The following HIPK3 variants were observed in gnomAD, a reference collection of about 807,000 sequenced individuals.
The protein encoded by HIPK3 is homeodomain-interacting protein kinase 3.
HIPK3 carries 47 observed loss-of-function variants against 124.2 expected under a neutral mutation model. The observed-to-expected ratio is 0.38, with a 90% CI of 0.30 to 0.48. HIPK3 has a LOEUF of 0.48. Ranked by LOEUF, HIPK3 falls within the 20% of genes least tolerant of loss-of-function variation. HIPK3 has a pLI of 0.98. For missense variants in HIPK3, 1,286 were observed against 1,454.3 expected (o/e 0.88, Z 1.88); for synonymous variants, 482 against 515.2 (o/e 0.94, Z 0.87).
intron 1 of HIPK3, among the ~76,000 whole-genome samples, chr11:33,275,132 C>T (rs1301515874): frequency 4.6e-5 from 7 of 151,968 alleles, no homozygotes; most frequent in African/African-American, 1.7e-4. Context: ...CTCCGCCTCT[C>T]GAGCTCAAGT....
chr11:33,334,250 T>C (rs1487000111), intron 3 of HIPK3, among the ~76,000 whole-genome samples: 1 of 152,032 alleles, frequency 6.6e-6, no homozygotes, highest in African/African-American at 2.4e-5. Context: ...TAGCACAGAG[T>C]AGAGTAATTA....
At chr11:33,272,454 G>A (rs1851152720) in intron 1 of HIPK3, among the ~76,000 whole-genome samples, 1 of 151,822 alleles carries the variant, frequency 6.6e-6, no homozygotes, top group African/African-American at 2.4e-5. Context: ...ACTGTCTTGA[G>A]AAGCTGCTTG....
Position 33,352,181 on chromosome 11 carries a change from A to G in HIPK3, c.3087A>G (p.Gly1029=). The change falls in exon 16 of 17, where the codon GGA becomes GGG. Residue 1029 remains glycine, a synonymous_variant. Transcript: ENST00000303296. ...TAATAAAAGGACGATCTGCCCCTGG[A>G]AGATTAAACCAGCCTTCTGCAGTGG... ...QPLIKGRSAP[G]RLNQPSAVGT... 1 of 1,613,700 alleles carries G rather than the reference A, an allele frequency of 6.2e-7. No homozygotes were observed. Among genetic ancestry groups the G allele is most frequent in the Non-Finnish European group, 8.5e-7 (1 of 1,179,558 alleles).
At chr11:33,292,622 G>A (rs539813090) in intron 2 of HIPK3, among the ~76,000 whole-genome samples, 4 of 152,282 alleles carry the variant, frequency 2.6e-5, no homozygotes, top group East Asian at 1.9e-4. Context: ...GGATGAAATT[G>A]CTGGTGATTT....
chr11:33,341,279 C>T (rs1418179164), intron 7 of HIPK3, 152 bp downstream of exon 7: 23 of 595,334 alleles, frequency 3.9e-5, no homozygotes, highest in Non-Finnish European at 5.8e-5. Flanking sequence ...CTTAAAATTC[C>T]AAGGTAATAA....
At chr11:33,271,798 TA>T (rs1178180816) in intron 1 of HIPK3, among the ~76,000 whole-genome samples, 2 of 152,204 alleles carry the variant, frequency 1.3e-5, no homozygotes, top group East Asian at 1.9e-4. Context: ...ATGGTGTATT[TA>T]AAAAAATCTC....
rs1009342386 is a variant in HIPK3 at position 33,347,746 on chromosome 11, G to A, written c.2137G>A (p.Asp713Asn). The change falls in exon 10 of 17, where the codon GAC becomes AAC. Residue 713 changes from aspartate (D) to asparagine (N), a missense_variant. By Grantham distance (23) the Asp-to-Asn change is conservative (BLOSUM62 1). Around this residue, in one of 3 missense-constraint regions of HIPK3, gnomAD observed 810 missense variants for 864.9 expected, o/e 0.94. Transcript: ENST00000303296. ...TGTGGCTGGTTCACACAGGCTTGGA[G>A]ACTGGGGGTAAGCTGAAAACAAAAG... is the stretch of plus-strand genomic sequence containing the variant. ...ESVAGSHRLG[D>N]WGKMISCSNH... 4 of 1,613,760 alleles carry A rather than the reference G, an allele frequency of 2.5e-6. No homozygotes were observed. Among genetic ancestry groups the A allele is most frequent in the Non-Finnish European group, 3.4e-6 (4 of 1,179,692 alleles).
chr11:33,267,499 A>ATTG (rs981509501), intron 1 of HIPK3, among the ~76,000 whole-genome samples: 10 of 138,950 alleles, frequency 7.2e-5, no homozygotes, highest in African/African-American at 2.7e-4. Flanking sequence ...TATTATTATT[A>ATTG]TTATTTTTTT....
At chr11:33,289,884 A>G (rs1851654243) in intron 2 of HIPK3, among the ~76,000 whole-genome samples, 1 of 152,136 alleles carries the variant, frequency 6.6e-6, no homozygotes, top group Non-Finnish European at 1.5e-5. Flanking sequence ...TTTAATTTTT[A>G]GCTCCCACAT....
rs1465168448 is a variant in HIPK3 at position 33,286,648 on chromosome 11, G to A, written c.234G>A (p.Leu78=). 13 of 1,613,990 alleles carry A rather than the reference G, an allele frequency of 8.1e-6. No individual in the cohort carries two copies. Among genetic ancestry groups the A allele is most frequent in the Admixed American group, 1.7e-5 (1 of 59,998 alleles). ...GACCTCGAGGACACAACTTTTCATT[G>A]CAGACAAGTGCTGTTGTTTTGAAAA... ...FNRPRGHNFS[L]QTSAVVLKNT... is the part of the protein sequence containing the mutation. Residue 78 remains leucine (L), a synonymous_variant, in exon 2 of 17, where the codon TTG becomes TTA. Coordinates refer to ENST00000303296, the MANE Select transcript of HIPK3 (RefSeq NM_005734.5).
At chr11:33,266,683 G>T (rs2133868219) in intron 1 of HIPK3, among the ~76,000 whole-genome samples, 1 of 152,268 alleles carries the variant, frequency 6.6e-6, no homozygotes, top group Non-Finnish European at 1.5e-5. Flanking sequence ...CTGCACTGTA[G>T]CCTTGGAGAC....
chr11:33,331,828 A>G (rs1852995347), intron 3 of HIPK3, among the ~76,000 whole-genome samples: 1 of 152,222 alleles, frequency 6.6e-6, no homozygotes, highest in African/African-American at 2.4e-5. Context: ...GCTCGTAACA[A>G]CCCTATGAAG....
At chr11:33,257,201 A>C, upstream of HIPK3, 4 of 980,060 alleles carry the variant, frequency 4.1e-6, no homozygotes, top group Non-Finnish European at 4.8e-6. Flanking sequence ...TCCGGGCAAC[A>C]AGGGCGCGGC....
In HIPK3 at chr11:33,353,256, C is replaced by T. The variant is rs756504188; in HGVS notation, c.3336C>T (p.Leu1112=). ...CCCACCTGGCTGGAAATACACACCT[C>T]GGAGGACAGCCTACTCTACTTCCAT... ...VHAHLAGNTH[L]GGQPTLLPYP... is the part of the protein sequence containing the mutation. The change falls in exon 17 of 17, where the codon CTC becomes CTT. Residue 1112 remains leucine (L), a synonymous_variant. Coordinates refer to ENST00000303296, the MANE Select transcript of HIPK3 (RefSeq NM_005734.5). The T allele has an allele frequency of 5.6e-6, 9 of 1,614,112 alleles. No homozygotes were observed. Among genetic ancestry groups the T allele is most frequent in the South Asian group, 4.4e-5 (4 of 91,080 alleles).
At chr11:33,300,095 A>G (rs1851954641) in intron 2 of HIPK3, among the ~76,000 whole-genome samples, 1 of 151,530 alleles carries the variant, frequency 6.6e-6, no homozygotes, top group African/African-American at 2.4e-5. Context: ...TAATCCCAGC[A>G]CTTTGGGAGG....
chr11:33,271,638 A>G (rs1230963903), intron 1 of HIPK3, among the ~76,000 whole-genome samples: 1 of 152,228 alleles, frequency 6.6e-6, no homozygotes, highest in Non-Finnish European at 1.5e-5. Flanking sequence ...AACTGTAACT[A>G]CTTTGCAGCC....
rs770136905 is a variant in HIPK3, at chr11:33,353,549, G to A, written c.3629G>A (p.Ser1210Asn). 1.9e-6 allele frequency: 3 copies of A among 1,603,738 alleles called. No homozygotes were observed. Among genetic ancestry groups the A allele is most frequent in the Non-Finnish European group, 1.7e-6 (2 of 1,170,710 alleles). The change falls in exon 17 of 17, where the codon AGC becomes AAC. Residue 1210 changes from serine to asparagine, a missense_variant. Ser to Asn is a conservative substitution (Grantham distance 46, BLOSUM62 1). Coordinates refer to ENST00000303296, the MANE Select transcript of HIPK3 (RefSeq NM_005734.5). ...TGFPLSPTKLSQYPYM is the reference protein window; with the variant it reads ...TGFPLSPTKLNQYPYM ...TTTCCACTGAGTCCAACAAAACTCA[G>A]CCAGTATCCATATATGTGAAAAACA... is the stretch of plus-strand genomic sequence containing the variant.
At chr11:33,300,026 A>C (rs1420124915) in intron 2 of HIPK3, among the ~76,000 whole-genome samples, 1 of 14,482 alleles carries the variant, frequency 6.9e-5, no homozygotes, top group African/African-American at 2.9e-4. Flanking sequence ...TGTCTCAAAA[A>C]AAAAAAAAAA....
At chr11:33,263,758 C>T (rs1850885177) in intron 1 of HIPK3, among the ~76,000 whole-genome samples, 1 of 152,158 alleles carries the variant, frequency 6.6e-6, no homozygotes, top group African/African-American at 2.4e-5. Flanking sequence ...TCCTTGACCT[C>T]AGTTTTTAAA....
Sources: allele counts gnomAD v4.1 joint callset (sites outside exome capture counted in the v4.1 genomes callset), GRCh38; gene constraint gnomAD v4.1.1; regional missense constraint gnomAD v4.1.1; transcripts MANE v1.5; gene names NCBI Gene and HGNC (gene_info 2026-07-23, HGNC 2026-07-21).